Variants in CSMD1 observed in about 807,000 individuals in gnomAD.
The protein encoded by CSMD1 is CUB and sushi domain-containing protein 1.
A neutral mutation model predicts 417.5 loss-of-function variants in CSMD1; 213 were observed. The observed-to-expected ratio is 0.51, with a 90% CI of 0.46 to 0.57. The LOEUF (loss-of-function observed/expected upper bound fraction) is 0.57, where lower values mean the gene tolerates loss of function less well. Ranked by LOEUF, CSMD1 falls within the 20% of genes least tolerant of loss-of-function variation. The pLI, the probability that CSMD1 is intolerant of heterozygous loss-of-function variation, is 0.00. For synonymous variants in CSMD1, 2,862 were observed against 1,736.8 expected, an observed-to-expected ratio of 1.65 and a Z score of -16.11; for missense variants, 6,923 against 4,529.7, an observed-to-expected ratio of 1.53 and a Z score of -15.17.
chr8:3,303,951 T>A (rs73657804), intron 25 of CSMD1, among the ~76,000 whole-genome samples: 20 of 74,866 alleles, frequency 2.7e-4, no homozygotes, highest in Non-Finnish European at 6.0e-4. Context: ...TGCGCCCCAT[T>A]ATAATAACTA....
intron 8 of CSMD1, among the ~76,000 whole-genome samples, chr8:3,592,676 G>T (rs140009671): frequency 7.8e-6 from 1 of 127,408 alleles, no homozygotes; most frequent in African/African-American, 4.8e-5. Flanking sequence ...GTGCACATCC[G>T]TGTGTGTGTG....
At chr8:4,784,368 G>GA (rs747508853) in intron 1 of CSMD1, among the ~76,000 whole-genome samples, 2 of 152,200 alleles carry the variant, frequency 1.3e-5, no homozygotes, top group East Asian at 3.8e-4. Flanking sequence ...GTCATTTAAT[G>GA]AACTGTGCTA....
chr8:3,270,849 A>G (rs965543521), intron 26 of CSMD1, among the ~76,000 whole-genome samples: 2 of 152,292 alleles, frequency 1.3e-5, no homozygotes, highest in Admixed American at 1.3e-4. Flanking sequence ...ACAGTTTCAC[A>G]TGGCTGGGGA....
At chr8:4,145,021 T>C (rs917606751) in intron 3 of CSMD1, among the ~76,000 whole-genome samples, 5 of 151,314 alleles carry the variant, frequency 3.3e-5, no homozygotes, top group African/African-American at 9.8e-5. Flanking sequence ...ATAATAATTA[T>C]CTTCTACTTT....
At chr8:4,190,827 C>T (rs948439962) in intron 3 of CSMD1, among the ~76,000 whole-genome samples, 2 of 152,048 alleles carry the variant, frequency 1.3e-5, no homozygotes, top group African/African-American at 2.4e-5. Flanking sequence ...GGGCCATTAC[C>T]CTTCGCAAAC....
At chr8:4,564,976 T>G (rs1449313541) in intron 2 of CSMD1, among the ~76,000 whole-genome samples, 1 of 152,168 alleles carries the variant, frequency 6.6e-6, no homozygotes, top group Non-Finnish European at 1.5e-5. Flanking sequence ...TGTGGGTGCC[T>G]TGGCATGGGG....
chr8:4,293,708 T>C (rs1053993856), intron 3 of CSMD1, among the ~76,000 whole-genome samples: 3 of 152,224 alleles, frequency 2.0e-5, no homozygotes, highest in African/African-American at 7.2e-5. Flanking sequence ...TTGCATTCCA[T>C]ACTTTAAAAA....
intron 3 of CSMD1, among the ~76,000 whole-genome samples, chr8:4,051,954 T>G (rs1798454937): frequency 6.6e-6 from 1 of 151,792 alleles, no homozygotes; most frequent in African/African-American, 2.4e-5. Context: ...TGACAGAGTT[T>G]CACTCTTGTT....
At chr8:3,310,046 A>G (rs186116327) in intron 23 of CSMD1, among the ~76,000 whole-genome samples, 266 of 152,354 alleles carry the variant, frequency 1.7e-3, no homozygotes, top group African/African-American at 5.9e-3. Context: ...GAATTCAAGA[A>G]CAGAAGAGTG....
chr8:3,454,302 G>T (rs1047408291), intron 12 of CSMD1, among the ~76,000 whole-genome samples: 1 of 152,104 alleles, frequency 6.6e-6, no homozygotes. Context: ...GGAGCATTTG[G>T]CCCATTTACA....
chr8:4,608,834 G>T (rs938922713), intron 2 of CSMD1, among the ~76,000 whole-genome samples: 5 of 152,186 alleles, frequency 3.3e-5, no homozygotes, highest in African/African-American at 7.2e-5. Context: ...ATGGGCAGAA[G>T]AAGAGATTGC....
chr8:3,736,523 G>A (rs1230692000), intron 6 of CSMD1, among the ~76,000 whole-genome samples: 1 of 152,170 alleles, frequency 6.6e-6, no homozygotes, highest in African/African-American at 2.4e-5. Context: ...GGGATCACTG[G>A]TGTGGACCAC....
At chr8:4,668,415 CATTATTATTATTATTATTATT>C (rs35735246) in intron 1 of CSMD1, among the ~76,000 whole-genome samples, 4 of 130,010 alleles carry the variant, frequency 3.1e-5, no homozygotes, top group Non-Finnish European at 6.4e-5. Context: ...TGATGTTTTC[CATTATTATTATTATTATTATT>C]ATTATTATTA....
intron 3 of CSMD1, among the ~76,000 whole-genome samples, chr8:4,414,799 A>G (rs1796837649): frequency 6.6e-6 from 1 of 152,188 alleles, no homozygotes; most frequent in Non-Finnish European, 1.5e-5. Context: ...AGTGTCAAGG[A>G]TTCAAATTTT....
chr8:3,934,711 C>G (rs941892916), intron 5 of CSMD1, among the ~76,000 whole-genome samples: 1 of 151,826 alleles, frequency 6.6e-6, no homozygotes, highest in African/African-American at 2.4e-5. Flanking sequence ...AAAATTTAGC[C>G]GGGCATGGTG....
At chr8:4,116,209 G>A (rs1474880749) in intron 3 of CSMD1, among the ~76,000 whole-genome samples, 2 of 151,936 alleles carry the variant, frequency 1.3e-5, no homozygotes, top group Non-Finnish European at 2.9e-5. Flanking sequence ...GGCCAGGCTG[G>A]TCCTGAACTC....
At chr8:3,426,666 A>C (rs181818546) in intron 12 of CSMD1, among the ~76,000 whole-genome samples, 8 of 152,298 alleles carry the variant, frequency 5.3e-5, no homozygotes, top group East Asian at 1.9e-4. Context: ...AAAACTTGTC[A>C]ACTTACTTTA....
chr8:3,840,230 A>G (rs950671177), intron 5 of CSMD1, among the ~76,000 whole-genome samples: 38 of 152,280 alleles, frequency 2.5e-4, no homozygotes, highest in African/African-American at 8.2e-4. Context: ...CCTTTGAAAA[A>G]AAAAGAGACA....
intron 3 of CSMD1, among the ~76,000 whole-genome samples, chr8:4,272,750 C>A (rs528415145): frequency 6.6e-6 from 1 of 152,174 alleles, no homozygotes; most frequent in East Asian, 1.9e-4. Context: ...TTCTGTAATT[C>A]TTGAATGAAC....
Sources: allele counts gnomAD v4.1 joint callset (sites outside exome capture counted in the v4.1 genomes callset), GRCh38; gene constraint gnomAD v4.1.1; transcripts MANE v1.5; gene names NCBI Gene and HGNC (gene_info 2026-07-23, HGNC 2026-07-21).